PTPRN2: variants seen among roughly 807,000 people sequenced by gnomAD.
The protein encoded by PTPRN2 is receptor-type tyrosine-protein phosphatase N2.
Under a neutral mutation model 118.8 loss-of-function variants are expected in PTPRN2, and 74 were observed. The observed-to-expected ratio is 0.62, with a 90% CI of 0.52 to 0.76. The LOEUF (loss-of-function observed/expected upper bound fraction) is 0.76, where lower values mean the gene tolerates loss of function less well. Among genes scored for constraint, PTPRN2 ranks in the 30% least tolerant of loss-of-function variants. The pLI, the probability that PTPRN2 is intolerant of heterozygous loss-of-function variation, is 0.00. For synonymous variants in PTPRN2, 641 were observed against 608.0 expected, an observed-to-expected ratio of 1.05 and a Z score of -0.80; for missense variants, 1,481 against 1,394.4, an observed-to-expected ratio of 1.06 and a Z score of -0.99.
intron 2 of PTPRN2, among the ~76,000 whole-genome samples, chr7:158,334,718 G>T (rs62480928): frequency 1.9e-4 from 1 of 5,148 alleles, no homozygotes; most frequent in African/African-American, 4.2e-4. Context: ...ACCTGCAGAC[G>T]TCACACCCAC....
chr7:157,734,488 G>A (rs1263666183), intron 12 of PTPRN2, among the ~76,000 whole-genome samples: 5 of 152,184 alleles, frequency 3.3e-5, no homozygotes, highest in Non-Finnish European at 5.9e-5. Flanking sequence ...CTACCTTTAA[G>A]GTAAATTTCA....
At position 157,953,417 on chromosome 7, in the gene PTPRN2, C is replaced by T. The variant is rs145521159; in HGVS notation, c.1724-54680G>A. ...CGGCACTCCCCGGGCACAGAGGGAA[C>T]GGCCTGGGTGGCATGGAGAGTGTCC... On this transcript the variant is annotated intron_variant, in intron 11 of 22. Transcript: ENST00000389418. The surrounding 1 kb of genome is among the most constrained non-coding windows in gnomAD (Gnocchi z 4.6). Among the ~76,000 whole-genome samples, 17 of 152,232 alleles carry T rather than the reference C, an allele frequency of 1.1e-4. No homozygotes were observed. The highest frequency in any genetic ancestry group is 3.3e-4 in the Admixed American group (5 of 15,292).
At chr7:158,399,250 T>G (rs1412951894) in intron 2 of PTPRN2, among the ~76,000 whole-genome samples, 1 of 152,240 alleles carries the variant, frequency 6.6e-6, no homozygotes, top group South Asian at 2.1e-4. Flanking sequence ...TTGTGTCACC[T>G]GGTGAATTGT....
At chr7:157,954,187 TACATGTGTGCTGTGTGGTGTGTGTA>T (rs1801020034) in intron 11 of PTPRN2, among the ~76,000 whole-genome samples, 1 of 79,166 alleles carries the variant, frequency 1.3e-5, no homozygotes, top group African/African-American at 4.4e-5. Flanking sequence ...GTGTGTGTGG[TACATGTGTGCTGTGTGGTGTGTGTA>T]GTCTCTGCAT....
chr7:158,411,470 T>A (rs993923915), intron 2 of PTPRN2, among the ~76,000 whole-genome samples: 1 of 151,852 alleles, frequency 6.6e-6, no homozygotes, highest in Non-Finnish European at 1.5e-5. Context: ...CACTCTCTGG[T>A]CCCCCCAGCA....
intron 11 of PTPRN2, among the ~76,000 whole-genome samples, chr7:158,043,557 C>T (rs780099009): frequency 5.9e-5 from 9 of 152,224 alleles, no homozygotes; most frequent in Non-Finnish European, 1.3e-4. Context: ...CACCAAGCTC[C>T]TGCAGGAGAG....
rs550344781 is a variant in PTPRN2, at chr7:157,540,680, G to C, written c.*34C>G. The C allele has an allele frequency of 1.3e-4, 185 of 1,477,024 alleles. No homozygotes were observed. The South Asian group carries it at 2.1e-3, about 16-fold the overall frequency. 91.5% of individuals were successfully genotyped at this position (1,477,024 alleles called of 1,614,324 possible). On this transcript the variant is annotated 3_prime_UTR_variant, in exon 23 of 23. Coordinates refer to ENST00000389418, the MANE Select transcript of PTPRN2 (RefSeq NM_002847.5). ...CATGATTCCTGACAACATCCGTGGGGTGGGGGCTCCCCTGAGGCCCCTGAG... is the reference window on the plus strand; with the variant it reads ...CATGATTCCTGACAACATCCGTGGGCTGGGGGCTCCCCTGAGGCCCCTGAG...
chr7:158,065,941 G>A (rs991608548), intron 11 of PTPRN2, among the ~76,000 whole-genome samples: 3 of 152,208 alleles, frequency 2.0e-5, no homozygotes, highest in African/African-American at 7.2e-5. Context: ...AGGTGGATGG[G>A]CAGGAATGCA....
At chr7:158,461,444 T>C (rs1178756427) in intron 2 of PTPRN2, among the ~76,000 whole-genome samples, 2 of 148,962 alleles carry the variant, frequency 1.3e-5, no homozygotes, top group Admixed American at 1.4e-4. Context: ...TGCAGTGAGC[T>C]GAGATGGTGC....
intron 3 of PTPRN2, among the ~76,000 whole-genome samples, chr7:158,316,420 A>G (rs1319424548): frequency 6.6e-6 from 1 of 151,810 alleles, no homozygotes; most frequent in Non-Finnish European, 1.5e-5. Flanking sequence ...TCTTCTCATC[A>G]CCCCTGCAGG....
chr7:157,712,097 G>C (rs1178003069), intron 12 of PTPRN2, among the ~76,000 whole-genome samples: 2 of 139,384 alleles, frequency 1.4e-5, no homozygotes, highest in African/African-American at 5.2e-5. Flanking sequence ...ACCATGAGTG[G>C]GGGGAGGGGC....
At chr7:157,552,169 G>A (rs1009367161) in intron 21 of PTPRN2, among the ~76,000 whole-genome samples, 7 of 152,054 alleles carry the variant, frequency 4.6e-5, no homozygotes, top group African/African-American at 7.2e-5. Flanking sequence ...CGGCCACCAC[G>A]CACCACATTC....
At chr7:157,882,398 C>T (rs1361413531) in intron 12 of PTPRN2, among the ~76,000 whole-genome samples, 1 of 151,516 alleles carries the variant, frequency 6.6e-6, no homozygotes, top group Admixed American at 6.6e-5. Context: ...CCAGAATACA[C>T]CACCCTGAAA....
intron 22 of PTPRN2, among the ~76,000 whole-genome samples, chr7:157,542,690 C>A (rs558001607): frequency 6.6e-6 from 1 of 152,194 alleles, no homozygotes; most frequent in Non-Finnish European, 1.5e-5. Context: ...GGAAGGGAAC[C>A]GGGCCACAGA....
intron 16 of PTPRN2, among the ~76,000 whole-genome samples, chr7:157,602,400 G>A (rs1408727742): frequency 6.6e-6 from 1 of 152,212 alleles, no homozygotes; most frequent in African/African-American, 2.4e-5. Flanking sequence ...AGTGGCCGCT[G>A]AGACCAGCAG....
At chr7:158,318,071 T>C (rs1802492736) in intron 2 of PTPRN2, among the ~76,000 whole-genome samples, 1 of 152,036 alleles carries the variant, frequency 6.6e-6, no homozygotes, top group Admixed American at 6.5e-5. Flanking sequence ...CGCCGCCTCC[T>C]GTCCGAGAGC....
chr7:157,782,333 C>T (rs1027809013), intron 12 of PTPRN2, among the ~76,000 whole-genome samples: 5 of 152,228 alleles, frequency 3.3e-5, no homozygotes, highest in East Asian at 3.8e-4. Flanking sequence ...AATGGGGCCC[C>T]GGGTTGGGAT....
chr7:157,809,865 C>T (rs1168504620), intron 12 of PTPRN2, among the ~76,000 whole-genome samples: 1 of 152,218 alleles, frequency 6.6e-6, no homozygotes, highest in Non-Finnish European at 1.5e-5. Context: ...GTCTCACTGG[C>T]CCAGTCCTGC....
rs547281102 is a variant in PTPRN2 at position 157,590,182 on chromosome 7, C to T, written c.2496+5056G>A. On this transcript the variant is annotated intron_variant, in intron 17 of 22. Coordinates refer to ENST00000389418, the MANE Select transcript of PTPRN2 (RefSeq NM_002847.5). The surrounding 1 kb of genome is among the most constrained non-coding windows in gnomAD (Gnocchi z 4.0). ...TTGGCCCATACTTAAGTTTTCTTTCCATTCTTCCTTTAAAATTGTTCCACA... is the reference window on the plus strand; with the variant it reads ...TTGGCCCATACTTAAGTTTTCTTTCTATTCTTCCTTTAAAATTGTTCCACA... Among the ~76,000 whole-genome samples, 1 of 152,274 alleles carries T rather than the reference C, an allele frequency of 6.6e-6. No individual in the cohort carries two copies. The highest frequency in any genetic ancestry group is 1.5e-5 in the Non-Finnish European group (1 of 68,004).
Sources: gnomAD v4.1 joint callset for allele counts (sites outside exome capture counted in the v4.1 genomes callset) on GRCh38, gnomAD v4.1.1 for gene constraint, Gnocchi (gnomAD v3.1) non-coding constraint, MANE v1.5 for transcripts, NCBI Gene and HGNC (gene_info 2026-07-23, HGNC 2026-07-21) for gene names.